The following TNR variants were observed in gnomAD, a reference collection of about 807,000 sequenced individuals.
TNR encodes the protein tenascin-R.
A neutral mutation model predicts 150.4 loss-of-function variants in TNR; 45 were observed. The ratio of observed to expected loss-of-function variants is 0.30; its 90% CI spans 0.24 to 0.38. The LOEUF (loss-of-function observed/expected upper bound fraction) is 0.38, where lower values mean the gene tolerates loss of function less well. Among genes scored for constraint, TNR ranks in the 10% least tolerant of loss-of-function variants. The pLI, the probability that TNR is intolerant of heterozygous loss-of-function variation, is 1.00. For missense variants in TNR, 1,544 were observed against 1,759.1 expected (o/e 0.88, Z 2.19); for synonymous variants, 687 against 678.4 (o/e 1.01, Z -0.20).
intron 1 of TNR, among the ~76,000 whole-genome samples, chr1:175,658,796 T>G (rs1335608250): frequency 6.6e-6 from 1 of 152,212 alleles, no homozygotes; most frequent in African/African-American, 2.4e-5. Context: ...GAATTTCTCC[T>G]TTCCTCTTTT....
chr1:175,411,733 A>G (rs973725068), intron 2 of TNR, among the ~76,000 whole-genome samples: 23 of 152,042 alleles, frequency 1.5e-4, no homozygotes, highest in Admixed American at 1.4e-3. Flanking sequence ...CTACTCCAGT[A>G]TGATCTCATC....
At chr1:175,456,909 G>C (rs1656595865) in intron 2 of TNR, among the ~76,000 whole-genome samples, 1 of 152,186 alleles carries the variant, frequency 6.6e-6, no homozygotes, top group Non-Finnish European at 1.5e-5. Context: ...GACAATTTAT[G>C]AGTCAATTTC....
At chr1:175,439,230 A>G (rs1220142079) in intron 2 of TNR, among the ~76,000 whole-genome samples, 1 of 151,872 alleles carries the variant, frequency 6.6e-6, no homozygotes, top group Non-Finnish European at 1.5e-5. Flanking sequence ...GCATATCTAC[A>G]ACTATCTGAT....
At chr1:175,496,615 A>G (rs1366518457) in intron 2 of TNR, among the ~76,000 whole-genome samples, 2 of 152,138 alleles carry the variant, frequency 1.3e-5, no homozygotes, top group Non-Finnish European at 2.9e-5. Context: ...GCATATCCAC[A>G]TTCATCTCAC....
At chr1:175,589,487 T>C (rs895330781) in intron 1 of TNR, among the ~76,000 whole-genome samples, 3 of 152,168 alleles carry the variant, frequency 2.0e-5, no homozygotes, top group Non-Finnish European at 2.9e-5. Flanking sequence ...TTGATATTCA[T>C]AGAGCACCTA....
intron 1 of TNR, among the ~76,000 whole-genome samples, chr1:175,567,744 A>G (rs1392545299): frequency 6.6e-6 from 1 of 152,120 alleles, no homozygotes; most frequent in African/African-American, 2.4e-5. Flanking sequence ...GTGAAATTGC[A>G]AGAGAAGTAG....
Position 175,331,086 on chromosome 1 carries a change from T to TTTCC in TNR, c.3632-852_3632-851insGGAA, listed in dbSNP as rs1491328107. Among the ~76,000 whole-genome samples the TTTCC allele has an allele frequency of 1.6e-3, 168 of 105,932 alleles. 9 individuals carry two copies. The highest frequency in any genetic ancestry group is 0.016 in the East Asian group (56 of 3,586). 69.5% of individuals were successfully genotyped at this position (105,932 alleles called of 152,430 possible). On this transcript the variant is annotated intron_variant, in intron 20 of 22. Coordinates refer to ENST00000367674, the MANE Select transcript of TNR (RefSeq NM_003285.3). ...CTTTCTTTCTTTCTTTCCTTCTTTCTTTCTTTCTTTCTTTCTCTCTCTCTT... is the reference window on the plus strand; with the variant it reads ...CTTTCTTTCTTTCTTTCCTTCTTTCTTTCCTTCTTTCTTTCTTTCTCTCTCTCTT...
intron 1 of TNR, among the ~76,000 whole-genome samples, chr1:175,544,052 G>T (rs1405514609): frequency 6.6e-6 from 1 of 152,168 alleles, no homozygotes; most frequent in Admixed American, 6.5e-5. Context: ...AGCAGGAATG[G>T]GTGTGCAAAG....
At chr1:175,389,644 C>A (rs1653083726) in intron 7 of TNR, among the ~76,000 whole-genome samples, 1 of 152,224 alleles carries the variant, frequency 6.6e-6, no homozygotes, top group Non-Finnish European at 1.5e-5. Flanking sequence ...GCTCCTTTGT[C>A]ATGTGAAACT....
intron 1 of TNR, among the ~76,000 whole-genome samples, chr1:175,574,385 G>A (rs1012035591): frequency 6.6e-6 from 1 of 152,164 alleles, no homozygotes; most frequent in Non-Finnish European, 1.5e-5. Context: ...AAGAAGAAGA[G>A]AGAGAAAAAA....
intron 1 of TNR, among the ~76,000 whole-genome samples, chr1:175,585,243 A>G (rs1662520672): frequency 6.6e-6 from 1 of 152,258 alleles, no homozygotes; most frequent in Non-Finnish European, 1.5e-5. Flanking sequence ...TAATTTGCCT[A>G]AGGTCATATA....
At chr1:175,424,286 C>T (rs554227914) in intron 2 of TNR, among the ~76,000 whole-genome samples, 3 of 152,274 alleles carry the variant, frequency 2.0e-5, no homozygotes, top group East Asian at 3.9e-4. Context: ...CATTGGAAGC[C>T]GGGCTGCATT....
At chr1:175,597,737 A>G (rs774596007) in intron 1 of TNR, among the ~76,000 whole-genome samples, 6 of 152,206 alleles carry the variant, frequency 3.9e-5, no homozygotes, top group Non-Finnish European at 8.8e-5. Flanking sequence ...TGGACCAGTC[A>G]TGTAAATTAG....
chr1:175,392,315 G>A (rs541581199), intron 6 of TNR, among the ~76,000 whole-genome samples: 2 of 152,008 alleles, frequency 1.3e-5, no homozygotes, highest in Non-Finnish European at 2.9e-5. Context: ...TCTATTTATG[G>A]TACCCAGGGT....
intron 15 of TNR, 132 bp downstream of exon 15, chr1:175,359,480 T>C (rs1237869473): frequency 7.1e-7 from 1 of 1,408,016 alleles, no homozygotes; most frequent in Non-Finnish European, 9.8e-7. Flanking sequence ...CTTCATAGTA[T>C]ACCTGAAGTA....
intron 1 of TNR, among the ~76,000 whole-genome samples, chr1:175,556,323 T>A (rs1205561673): frequency 6.6e-6 from 1 of 152,246 alleles, no homozygotes; most frequent in Non-Finnish European, 1.5e-5. Flanking sequence ...ACACAAGTAA[T>A]GTCCATGAAG....
chr1:175,365,247 G>T lies in TNR; in HGVS notation c.2350C>A (p.His784Asn), dbSNP rs1651778344. The T allele has an allele frequency of 2.5e-6, 4 of 1,613,132 alleles. No homozygotes were observed. The highest frequency in any genetic ancestry group is 3.4e-6 in the Non-Finnish European group (4 of 1,179,362). Residue 784 changes from histidine (H) to asparagine (N), a missense_variant, in exon 12 of 23, where the codon CAT (histidine) becomes AAT (asparagine). Transcript: ENST00000367674. ...FRPISHLHFS[H>N]VTSSSVNITW... is the part of the protein sequence containing the mutation. Reference sequence around the variant, plus strand: ...ATGTTCACACTGGAGGAGGTCACATGAGAAAAGTGCAGATGAGAGATGGGA... The same window carrying T: ...ATGTTCACACTGGAGGAGGTCACATTAGAAAAGTGCAGATGAGAGATGGGA...
intron 1 of TNR, among the ~76,000 whole-genome samples, chr1:175,738,540 T>G (rs552886297): frequency 1.3e-5 from 2 of 152,340 alleles, no homozygotes; most frequent in Non-Finnish European, 2.9e-5. Flanking sequence ...GCGTTTACTG[T>G]GTACAGAGTT....
Position 175,396,539 on chromosome 1 carries a change from C to T in TNR, c.1240+5G>A, listed in dbSNP as rs537209899. On this transcript the variant is annotated splice_donor_5th_base_variant and intron_variant, in intron 5 of 22. Transcript: ENST00000367674. ...AATGAAGCAGGACGGGGAAATGGTACGTACGGGTGGCCACCTTGGCAGTGA... is the reference window on the plus strand; with the variant it reads ...AATGAAGCAGGACGGGGAAATGGTATGTACGGGTGGCCACCTTGGCAGTGA... The T allele has an allele frequency of 6.2e-6, 10 of 1,612,246 alleles. No individual in the cohort carries two copies. The highest frequency in any genetic ancestry group is 1.1e-5 in the South Asian group (1 of 90,966).
Sources: allele counts gnomAD v4.1 joint callset (sites outside exome capture counted in the v4.1 genomes callset), GRCh38; gene constraint gnomAD v4.1.1; transcripts MANE v1.5; gene names NCBI Gene and HGNC (gene_info 2026-07-23, HGNC 2026-07-21).